NAALADL2: variants seen among roughly 807,000 people sequenced by gnomAD.
NAALADL2 encodes inactive N-acetylated-alpha-linked acidic dipeptidase-like protein 2.
In NAALADL2, 76 loss-of-function variants were observed where a neutral mutation model predicts 87.2. That is an observed-to-expected ratio of 0.87 (90% CI 0.72 to 1.05). The LOEUF is 1.05. Ranked by LOEUF, NAALADL2 falls within the 50% of genes least tolerant of loss-of-function variation. The pLI, the probability that NAALADL2 is intolerant of heterozygous loss-of-function variation, is 0.00. For missense variants in NAALADL2, 1,089 were observed against 945.8 expected (o/e 1.15, Z -1.99); for synonymous variants, 354 against 331.0 (o/e 1.07, Z -0.75).
At chr3:174,562,208 T>C (rs1385414133) in intron 2 of NAALADL2, among the ~76,000 whole-genome samples, 1 of 152,200 alleles carries the variant, frequency 6.6e-6, no homozygotes, top group Non-Finnish European at 1.5e-5. Context: ...ACTCAACTAT[T>C]AGGCATTATA....
At chr3:174,993,314 C>A (rs548438839) in intron 1 of NAALADL2, among the ~76,000 whole-genome samples, 19 of 152,132 alleles carry the variant, frequency 1.2e-4, no homozygotes, top group African/African-American at 4.6e-4. Flanking sequence ...AACATTCATT[C>A]ATTCCTTCAC....
chr3:174,793,617 A>C (rs1717720374), intron 3 of NAALADL2, among the ~76,000 whole-genome samples: 1 of 152,144 alleles, frequency 6.6e-6, no homozygotes, highest in African/African-American at 2.4e-5. Flanking sequence ...GTGTCATCAG[A>C]AGTATAGATA....
At chr3:175,076,839 T>C (rs1319022405) in intron 1 of NAALADL2, among the ~76,000 whole-genome samples, 2 of 152,178 alleles carry the variant, frequency 1.3e-5, no homozygotes, top group Non-Finnish European at 1.5e-5. Context: ...TTAAAGGTAC[T>C]GTTTATGTGC....
intron 2 of NAALADL2, among the ~76,000 whole-genome samples, chr3:174,552,329 A>G (rs1712224793): frequency 6.6e-6 from 1 of 152,184 alleles, no homozygotes; most frequent in Non-Finnish European, 1.5e-5. Context: ...AGAAATGTGA[A>G]CCTAATTGTC....
chr3:175,621,267 A>C (rs965938348), intron 10 of NAALADL2, among the ~76,000 whole-genome samples: 1 of 152,148 alleles, frequency 6.6e-6, no homozygotes, highest in African/African-American at 2.4e-5. Context: ...CCCCCTCCTA[A>C]GAGAGGGAGA....
At chr3:174,970,024 T>G (rs1214502567) in intron 1 of NAALADL2, among the ~76,000 whole-genome samples, 1 of 152,228 alleles carries the variant, frequency 6.6e-6, no homozygotes, top group Non-Finnish European at 1.5e-5. Flanking sequence ...CATTTCTTTC[T>G]CTTCAAGCTT....
At chr3:175,464,889 C>T (rs1212402054) in intron 7 of NAALADL2, among the ~76,000 whole-genome samples, 1 of 152,084 alleles carries the variant, frequency 6.6e-6, no homozygotes, top group Non-Finnish European at 1.5e-5. Flanking sequence ...AATTGAAGCA[C>T]TAGAATATTT....
intron 1 of NAALADL2, among the ~76,000 whole-genome samples, chr3:174,533,328 G>A (rs1721420541): frequency 6.6e-6 from 1 of 151,832 alleles, no homozygotes; most frequent in Admixed American, 6.6e-5. Context: ...AATTTCCTTG[G>A]GAATTTTGAG....
At chr3:174,898,654 A>G (rs1195637321) in intron 1 of NAALADL2, among the ~76,000 whole-genome samples, 3 of 152,002 alleles carry the variant, frequency 2.0e-5, no homozygotes, top group African/African-American at 7.2e-5. Context: ...ACAGTAATTT[A>G]AGAAATAAAT....
At chr3:175,312,804 T>C (rs753175571) in intron 4 of NAALADL2, among the ~76,000 whole-genome samples, 1 of 152,214 alleles carries the variant, frequency 6.6e-6, no homozygotes, top group Non-Finnish European at 1.5e-5. Context: ...TAAGAGATAG[T>C]GCCTGGCACA....
chr3:175,550,896 AG>A (rs1714229347), intron 9 of NAALADL2, among the ~76,000 whole-genome samples: 1 of 152,258 alleles, frequency 6.6e-6, no homozygotes, highest in Admixed American at 6.5e-5. Flanking sequence ...GAAGATGCAA[AG>A]CACTGGATTG....
Position 174,787,601 on chromosome 3 carries a change from A to ACATATATATATATATATATATATG in NAALADL2, c.-9+49855_-9+49856insCATATATATATATATATATATATG, listed in dbSNP as rs1346232794. Among the ~76,000 whole-genome samples, 425 of 91,176 alleles carry ACATATATATATATATATATATATG rather than the reference A, an allele frequency of 4.7e-3. 19 individuals carry two copies. Among genetic ancestry groups the ACATATATATATATATATATATATG allele is most frequent in the African/African-American group, 0.016 (408 of 26,000 alleles). 59.8% of individuals were successfully genotyped at this position (91,176 alleles called of 152,430 possible). A position where few individuals can be genotyped will look rare whatever the true frequency, so the allele number is the denominator to read the frequency against. On this transcript the variant is annotated intron_variant, in intron 3 of 3. Coordinates refer to the NAALADL2 transcript ENST00000434257. ...CATATATATATATATATATATATAT[A>ACATATATATATATATATATATATG]TATATATATATATATATATAGTAGT...
chr3:175,131,630 C>G (rs1481314258), intron 2 of NAALADL2, among the ~76,000 whole-genome samples: 3 of 152,218 alleles, frequency 2.0e-5, no homozygotes, highest in African/African-American at 7.2e-5. Flanking sequence ...CCATTGTCAT[C>G]CTGGCCCGTT....
intron 2 of NAALADL2, among the ~76,000 whole-genome samples, chr3:174,579,239 T>C (rs1357339373): frequency 6.6e-6 from 1 of 151,946 alleles, no homozygotes; most frequent in African/African-American, 2.4e-5. Flanking sequence ...AATATATTTC[T>C]CCCTAAAGCC....
chr3:174,881,742 CAAT>C (rs200857299), intron 1 of NAALADL2, among the ~76,000 whole-genome samples: 1,551 of 152,204 alleles, frequency 0.01, 27 homozygotes, highest in African/African-American at 0.036. Context: ...AGTAGGTACT[CAAT>C]AAATATTTGA....
intron 1 of NAALADL2, among the ~76,000 whole-genome samples, chr3:174,879,904 T>G (rs1049155298): frequency 1.3e-5 from 2 of 152,080 alleles, no homozygotes; most frequent in African/African-American, 4.8e-5. Flanking sequence ...TCCTGCTTGA[T>G]CTATGAGCAA....
chr3:175,648,492 CTTTTTT>C (rs530477119), intron 11 of NAALADL2, among the ~76,000 whole-genome samples: 2 of 127,770 alleles, frequency 1.6e-5, no homozygotes, highest in African/African-American at 5.6e-5. Context: ...AGACAATTTT[CTTTTTT>C]TTTTTTTTTG....
At chr3:175,652,507 C>T (rs184986470) in intron 11 of NAALADL2, among the ~76,000 whole-genome samples, 84 of 130,766 alleles carry the variant, frequency 6.4e-4, no homozygotes, top group African/African-American at 2.4e-3. Context: ...GAGATGGAGT[C>T]TCGCTCTGTC....
At chr3:175,134,552 C>G (rs114826466) in intron 2 of NAALADL2, among the ~76,000 whole-genome samples, 7 of 152,032 alleles carry the variant, frequency 4.6e-5, no homozygotes, top group Non-Finnish European at 1.0e-4. Flanking sequence ...AACCCTTACA[C>G]CTAAATATTA....
Sources: gnomAD v4.1 joint callset for allele counts (sites outside exome capture counted in the v4.1 genomes callset) on GRCh38, gnomAD v4.1.1 for gene constraint, MANE v1.5 for transcripts, NCBI Gene and HGNC (gene_info 2026-07-23, HGNC 2026-07-21) for gene names.